The following TPO variants were observed in gnomAD, a reference collection of about 807,000 sequenced individuals.
TPO encodes thyroid microsomal antigen.
Under a neutral mutation model 96.9 loss-of-function variants are expected in TPO, and 78 were observed. That is an observed-to-expected ratio of 0.81 (90% CI 0.67 to 0.97). The LOEUF is 0.97. Ranked by LOEUF, TPO falls within the 50% of genes least tolerant of loss-of-function variation. The pLI is 0.00. For synonymous variants in TPO, 547 were observed against 538.0 expected (o/e 1.02, Z -0.23); for missense variants, 1,252 against 1,274.8 (o/e 0.98, Z 0.27).
intron 3 of TPO, among the ~76,000 whole-genome samples, chr2:1,433,042 G>C (rs1665183851): frequency 6.6e-6 from 1 of 152,168 alleles, no homozygotes; most frequent in Non-Finnish European, 1.5e-5. Flanking sequence ...GCAGGCTTTG[G>C]CTCTGAGATC....
intron 14 of TPO, chr2:1,512,516 G>A: frequency 1.0e-6 from 1 of 981,632 alleles, no homozygotes; most frequent in Non-Finnish European, 1.2e-6. Flanking sequence ...ATGCTTGCAT[G>A]GTGCTGTCCC....
intron 1 of TPO, among the ~76,000 whole-genome samples, chr2:1,394,341 G>A (rs1046130779): frequency 2.0e-5 from 3 of 152,276 alleles, no homozygotes; most frequent in Non-Finnish European, 4.4e-5. Context: ...TCATTTTGAC[G>A]ACCATGGAGG....
At chr2:1,526,664 CAA>C (rs1676577410) in intron 15 of TPO, among the ~76,000 whole-genome samples, 1 of 127,234 alleles carries the variant, frequency 7.9e-6, no homozygotes, top group African/African-American at 3.1e-5. Context: ...CTAAATCCCC[CAA>C]ACTGTGTTCA....
chr2:1,423,573 T>C (rs961093627), intron 3 of TPO, among the ~76,000 whole-genome samples: 4 of 152,306 alleles, frequency 2.6e-5, no homozygotes, highest in East Asian at 1.9e-4. Context: ...TTTGTAATTA[T>C]ATAACAGACA....
intron 2 of TPO, among the ~76,000 whole-genome samples, chr2:1,420,190 A>G (rs1663364557): frequency 6.6e-6 from 1 of 152,248 alleles, no homozygotes; most frequent in African/African-American, 2.4e-5. Flanking sequence ...ACTAAGCAAC[A>G]TATGATCAGT....
chr2:1,484,543 G>T, intron 8 of TPO, 53 bp from the exon 9 acceptor site: 3 of 1,612,428 alleles, frequency 1.9e-6, no homozygotes, highest in Non-Finnish European at 2.5e-6. Context: ...CGCTCGAGGC[G>T]ACCCTCCTCT....
intron 1 of TPO, among the ~76,000 whole-genome samples, chr2:1,383,665 T>G (rs887552840): frequency 3.3e-5 from 5 of 152,240 alleles, no homozygotes; most frequent in African/African-American, 1.2e-4. Context: ...TCTCCCATTC[T>G]GTAGGTTGCC....
At chr2:1,476,925 G>A (rs963750264) in intron 7 of TPO, among the ~76,000 whole-genome samples, 161 bp from the exon 8 acceptor site, 7 of 150,818 alleles carry the variant, frequency 4.6e-5, no homozygotes, top group African/African-American at 1.5e-4. Flanking sequence ...TAAGCAGGCC[G>A]GGGGGGGAGG....
chr2:1,533,034 A>T (rs1398338967), intron 15 of TPO, among the ~76,000 whole-genome samples: 1 of 12,696 alleles, frequency 7.9e-5, no homozygotes, highest in African/African-American at 3.7e-4. Flanking sequence ...TGCACCCCCC[A>T]AAAATCCCCC....
chr2:1,472,764 C>T, intron 7 of TPO, among the ~76,000 whole-genome samples: 1 of 145,506 alleles, frequency 6.9e-6, no homozygotes, highest in Admixed American at 7.0e-5. Context: ...CCCTTACTCA[C>T]ATTCGCCATC....
intron 11 of TPO, among the ~76,000 whole-genome samples, chr2:1,495,348 G>A (rs923249304): frequency 2.6e-5 from 4 of 152,222 alleles, no homozygotes; most frequent in Non-Finnish European, 5.9e-5. Flanking sequence ...CAGGCCAGGA[G>A]CTATTGGGGC....
Position 1,396,205 on chromosome 2 carries a change from C to T in TPO, n.180+21803C>T, listed in dbSNP as rs151050826. Reference sequence around the variant, plus strand: ...GAGGGGAGCCACATGGCCACAGAGGCCAGCAGGGGTTCCCCAGGACGGAGG... The same window carrying T: ...GAGGGGAGCCACATGGCCACAGAGGTCAGCAGGGGTTCCCCAGGACGGAGG... On this transcript the variant is annotated intron_variant and non_coding_transcript_variant, in intron 1 of 5. Coordinates refer to the TPO transcript ENST00000497517. 4.9e-3 allele frequency among the ~76,000 whole-genome samples: 739 copies of T among 152,288 alleles called. 5 individuals are homozygous for T. Among genetic ancestry groups the T allele is most frequent in the African/African-American group, 0.016 (677 of 41,554 alleles).
chr2:1,486,043 T>G (rs1001066094), intron 9 of TPO, among the ~76,000 whole-genome samples: 1 of 152,204 alleles, frequency 6.6e-6, no homozygotes, highest in Non-Finnish European at 1.5e-5. Context: ...GGTCTAACAT[T>G]TAAGTCTTTA....
intron 16 of TPO, chr2:1,541,059 AAATT>A: frequency 1.6e-6 from 2 of 1,261,088 alleles, no homozygotes; most frequent in Non-Finnish European, 2.0e-6. Context: ...CCTGACTTTT[AAATT>A]CTGATTTTTA....
chr2:1,528,089 AGCAAAAGCACAAATCCCCCACTGTGT>A, intron 15 of TPO, among the ~76,000 whole-genome samples: 1 of 90,968 alleles, frequency 1.1e-5, no homozygotes. Flanking sequence ...CCCCACTGTG[AGCAAAAGCACAAATCCCCCACTGTGT>A]GCAACATTCC....
At chr2:1,463,717 G>A (rs753163139) in intron 7 of TPO, among the ~76,000 whole-genome samples, 56 of 152,100 alleles carry the variant, frequency 3.7e-4, no homozygotes, top group African/African-American at 8.0e-4. Context: ...CTAAGTGGGG[G>A]TGCAGGCAGC....
At chr2:1,528,340 C>T (rs1413451524) in intron 15 of TPO, among the ~76,000 whole-genome samples, 3 of 134,518 alleles carry the variant, frequency 2.2e-5, no homozygotes. Flanking sequence ...CCCAAGTCTG[C>T]AACCCCCCAA....
Position 1,542,954 on chromosome 2 carries a change from GGAAAGTGATTCT to G in TPO, c.*483_*494del. The G allele has an allele frequency of 4.2e-6, 1 of 240,554 alleles. No individual in the cohort carries two copies. The highest frequency in any genetic ancestry group is 8.2e-6 in the Non-Finnish European group (1 of 121,680). The allele number at this position is 240,554 out of a possible 1,614,324, so 14.9% of individuals were successfully genotyped here. On this transcript the variant is annotated 3_prime_UTR_variant, in exon 17 of 17. Coordinates refer to ENST00000329066, the MANE Select transcript of TPO (RefSeq NM_001206744.2). ...GCTTCCTGCAGGGCCGGTGGGAGGA[GGAAAGTGATTCT>G]GAGGGAGAGGCTGGAGCCTTAAGGA...
chr2:1,521,428 C>T (rs954971988), intron 15 of TPO, among the ~76,000 whole-genome samples: 4 of 152,138 alleles, frequency 2.6e-5, no homozygotes, highest in African/African-American at 4.8e-5. Flanking sequence ...CAGTGGGCCA[C>T]GGGATCCCTG....
Sources: gnomAD v4.1 joint callset for allele counts (sites outside exome capture counted in the v4.1 genomes callset) on GRCh38, gnomAD v4.1.1 for gene constraint, MANE v1.5 for transcripts, NCBI Gene and HGNC (gene_info 2026-07-23, HGNC 2026-07-21) for gene names.